The following PTPRT variants were observed in gnomAD, a reference collection of about 807,000 sequenced individuals.
PTPRT encodes the protein protein tyrosine phosphatase receptor type T.
A neutral mutation model predicts 176.8 loss-of-function variants in PTPRT; 56 were observed. The observed-to-expected ratio is 0.32, with a 90% CI of 0.26 to 0.40. The LOEUF is 0.40. Among genes scored for constraint, PTPRT ranks in the 10% least tolerant of loss-of-function variants. The pLI is 1.00. For missense variants in PTPRT, 1,540 were observed against 1,908.2 expected (o/e 0.81, Z 3.60); for synonymous variants, 783 against 739.0 (o/e 1.06, Z -0.96).
intron 1 of PTPRT, among the ~76,000 whole-genome samples, chr20:43,106,383 T>C (rs2425601): frequency 0.48 from 73,671 of 151,990 alleles, 18,790 homozygotes; most frequent in African/African-American, 0.65. Flanking sequence ...TGTGGCCGGG[T>C]GCAGTGGCTC....
intron 7 of PTPRT, among the ~76,000 whole-genome samples, chr20:42,576,965 T>C (rs1398416507): frequency 2.0e-5 from 3 of 152,002 alleles, no homozygotes; most frequent in African/African-American, 7.2e-5. Context: ...GTGTGGCAAA[T>C]GCTATCATAA....
At chr20:42,252,021 C>A (rs2056558439) in intron 13 of PTPRT, among the ~76,000 whole-genome samples, 1 of 152,070 alleles carries the variant, frequency 6.6e-6, no homozygotes, top group East Asian at 1.9e-4. Context: ...TTGATAGTTG[C>A]TTAGGCTCAG....
intron 15 of PTPRT, among the ~76,000 whole-genome samples, chr20:42,208,233 A>AT (rs1339599449): frequency 4.2e-5 from 5 of 117,740 alleles, no homozygotes; most frequent in Admixed American, 4.2e-4. Context: ...AACTGCATCA[A>AT]CTAACGAGCA....
intron 7 of PTPRT, among the ~76,000 whole-genome samples, chr20:42,573,604 C>T (rs1353070880): frequency 2.0e-5 from 3 of 152,154 alleles, no homozygotes; most frequent in African/African-American, 7.2e-5. Flanking sequence ...TCACCAGATC[C>T]TGCTTGCCTC....
In PTPRT at chr20:42,074,188, A is replaced by G; in HGVS notation, c.*6691T>C. On this transcript the variant is annotated 3_prime_UTR_variant, in exon 31 of 31. Transcript: ENST00000373187. The stretch of plus-strand genomic sequence containing the variant: ...TGCCCTGGGGCCTTTGACCCAAAGA[A>G]CACCTGACATTATTCATCTTCCATG... 4.4e-6 allele frequency: 1 copy of G among 228,084 alleles called. No homozygotes were observed. The highest frequency in any genetic ancestry group is 8.7e-6 in the Non-Finnish European group (1 of 114,788). 14.1% of individuals were successfully genotyped at this position (228,084 alleles called of 1,614,324 possible). A position where few individuals can be genotyped will look rare whatever the true frequency, so the allele number is the denominator to read the frequency against.
chr20:42,497,146 C>T (rs1467787330), intron 7 of PTPRT, among the ~76,000 whole-genome samples: 7 of 152,184 alleles, frequency 4.6e-5, no homozygotes, highest in Admixed American at 2.0e-4. Context: ...TATCTTTTCC[C>T]TTCAAGGCTT....
At chr20:42,741,766 T>C (rs1441234511) in intron 6 of PTPRT, among the ~76,000 whole-genome samples, 1 of 151,330 alleles carries the variant, frequency 6.6e-6, no homozygotes, top group African/African-American at 2.4e-5. Context: ...TAGCTTGGAG[T>C]TGGGGTGGTA....
intron 7 of PTPRT, among the ~76,000 whole-genome samples, chr20:42,593,054 G>A (rs955253367): frequency 1.3e-5 from 2 of 152,294 alleles, no homozygotes; most frequent in Non-Finnish European, 2.9e-5. Flanking sequence ...GGAATCTTCC[G>A]ACTAAGTAAT....
chr20:42,110,344 C>G lies in PTPRT; in HGVS notation c.3243G>C (p.Val1081=), dbSNP rs774903450. The change falls in exon 23 of 31, where the codon GTG becomes GTC. Residue 1081 remains valine, a synonymous_variant. Coordinates refer to ENST00000373187, the MANE Select transcript of PTPRT (RefSeq NM_007050.6). ...GACCTTTGACTTACCTGCAGTGGAC[C>G]ACTATGGGCCCAGCTTCCGGGGGGT... ...FLNPPEAGPI[V]VHCSAGAGRT... 1.9e-5 allele frequency: 30 copies of G among 1,609,824 alleles called. No individual in the cohort carries two copies. Among genetic ancestry groups the G allele is most frequent in the Non-Finnish European group, 2.4e-5 (28 of 1,177,274 alleles).
intron 7 of PTPRT, among the ~76,000 whole-genome samples, chr20:42,607,082 C>G: frequency 6.6e-6 from 1 of 152,186 alleles, no homozygotes; most frequent in Middle Eastern, 3.4e-3. Flanking sequence ...TGAAATAAGT[C>G]AATCGCAAAA....
chr20:42,685,956 C>T (rs2075683842), intron 6 of PTPRT: 1 of 152,142 alleles, frequency 6.6e-6, no homozygotes, highest in African/African-American at 2.4e-5. Flanking sequence ...TAGCAGGAGT[C>T]AAGAACCACG....
chr20:43,120,978 G>A (rs536503159), intron 1 of PTPRT, among the ~76,000 whole-genome samples: 33 of 152,158 alleles, frequency 2.2e-4, no homozygotes, highest in African/African-American at 5.5e-4. Flanking sequence ...TACCAACATC[G>A]CAGAAGCTCC....
intron 12 of PTPRT, among the ~76,000 whole-genome samples, chr20:42,286,945 A>C (rs544870854): frequency 6.6e-6 from 1 of 152,016 alleles, no homozygotes; most frequent in Non-Finnish European, 1.5e-5. Flanking sequence ...CTTAACAGGC[A>C]TTTCTCAAAA....
At chr20:42,487,244 C>G (rs1056175942) in intron 7 of PTPRT, among the ~76,000 whole-genome samples, 1 of 152,154 alleles carries the variant, frequency 6.6e-6, no homozygotes, top group South Asian at 2.1e-4. Context: ...GGAGAAGCCA[C>G]CCTGGCATTT....
chr20:42,595,159 G>C (rs149352181), intron 7 of PTPRT, among the ~76,000 whole-genome samples: 2 of 152,026 alleles, frequency 1.3e-5, no homozygotes, highest in East Asian at 3.9e-4. Context: ...AGAATCTTGG[G>C]CACGGGGGTC....
chr20:42,754,332 C>T (rs898338420), intron 6 of PTPRT, among the ~76,000 whole-genome samples: 2 of 152,166 alleles, frequency 1.3e-5, no homozygotes, highest in African/African-American at 2.4e-5. Context: ...ACTAGAGGCA[C>T]GAGCCACCAC....
At chr20:42,049,080 A>T in the PTPRT span, among the ~76,000 whole-genome samples, 1 of 152,098 alleles carries the variant, frequency 6.6e-6, no homozygotes, top group Non-Finnish European at 1.5e-5. Context: ...TCAGCCTCCC[A>T]AAGTGCTGGG....
chr20:42,709,830 G>A (rs191853882), intron 6 of PTPRT, among the ~76,000 whole-genome samples: 151 of 152,326 alleles, frequency 9.9e-4, no homozygotes, highest in Non-Finnish European at 1.4e-3. Flanking sequence ...AATACGGACA[G>A]TGAAGGCCAG....
chr20:42,525,964 TAC>T (rs1263492137), intron 7 of PTPRT, among the ~76,000 whole-genome samples: 1 of 152,226 alleles, frequency 6.6e-6, no homozygotes, highest in African/African-American at 2.4e-5. Context: ...CTGAAATATT[TAC>T]AGATATTATT....
Sources: gnomAD v4.1 joint callset for allele counts (sites outside exome capture counted in the v4.1 genomes callset) on GRCh38, gnomAD v4.1.1 for gene constraint, MANE v1.5 for transcripts, NCBI Gene and HGNC (gene_info 2026-07-23, HGNC 2026-07-21) for gene names.